FHIT: variants seen among roughly 807,000 people sequenced by gnomAD.
FHIT encodes the protein fragile histidine triad diadenosine triphosphatase, also known as bis(5'-adenosyl)-triphosphatase.
In FHIT, 19 loss-of-function variants were observed where a neutral mutation model predicts 17.9. That is an observed-to-expected ratio of 1.06 (90% CI 0.74 to 1.56). FHIT has a LOEUF of 1.56. FHIT is among the 40% of genes most tolerant of loss of function. The pLI is 0.00. For synonymous variants in FHIT, 81 were observed against 69.7 expected, an observed-to-expected ratio of 1.16 and a Z score of -0.81; for missense variants, 248 against 189.2, an observed-to-expected ratio of 1.31 and a Z score of -1.82.
intron 1 of FHIT, among the ~76,000 whole-genome samples, chr3:61,215,839 C>T (rs1028596882): frequency 3.3e-5 from 5 of 152,108 alleles, no homozygotes; most frequent in South Asian, 2.1e-4. Context: ...GAAATAATGC[C>T]GCATATCTGC....
intron 5 of FHIT, among the ~76,000 whole-genome samples, chr3:60,126,021 C>G (rs1304748116): frequency 1.3e-5 from 2 of 152,088 alleles, no homozygotes; most frequent in Admixed American, 1.3e-4. Flanking sequence ...ACTGACAGGC[C>G]CCTTGGTGTT....
intron 8 of FHIT, among the ~76,000 whole-genome samples, chr3:59,769,658 C>T (rs1701977467): frequency 6.6e-6 from 1 of 151,988 alleles, no homozygotes; most frequent in East Asian, 1.9e-4. Flanking sequence ...TAGCAGTACA[C>T]ACGGAACGGC....
chr3:60,896,409 A>G (rs1705825419), intron 3 of FHIT, among the ~76,000 whole-genome samples: 1 of 152,084 alleles, frequency 6.6e-6, no homozygotes, highest in African/African-American at 2.4e-5. Flanking sequence ...TGATACTTCT[A>G]ATCTCCATCC....
chr3:60,902,150 T>G (rs1003806935), intron 3 of FHIT, among the ~76,000 whole-genome samples: 1 of 152,194 alleles, frequency 6.6e-6, no homozygotes, highest in Non-Finnish European at 1.5e-5. Flanking sequence ...AAAGTTCCCA[T>G]GTACTTTGCC....
chr3:60,482,407 C>G (rs1220193118), intron 5 of FHIT, among the ~76,000 whole-genome samples: 1 of 152,126 alleles, frequency 6.6e-6, no homozygotes, highest in Non-Finnish European at 1.5e-5. Context: ...TGGCATTATT[C>G]TAAAATCGAC....
chr3:61,095,015 T>C (rs1482700906), intron 2 of FHIT, among the ~76,000 whole-genome samples: 2 of 152,206 alleles, frequency 1.3e-5, no homozygotes, highest in Middle Eastern at 3.2e-3. Context: ...GAGACCACTG[T>C]ATGTGAGGAC....
intron 4 of FHIT, among the ~76,000 whole-genome samples, chr3:60,603,577 T>C (rs1230307742): frequency 6.6e-6 from 1 of 152,096 alleles, no homozygotes; most frequent in Non-Finnish European, 1.5e-5. Flanking sequence ...CATTTTTTAA[T>C]GATGAGCATA....
chr3:60,485,121 C>T (rs1000197526), intron 5 of FHIT, among the ~76,000 whole-genome samples: 14 of 152,156 alleles, frequency 9.2e-5, no homozygotes, highest in African/African-American at 3.4e-4. Context: ...TGAAGTCAGT[C>T]AGAATGGTGA....
At chr3:60,935,867 C>G (rs1002599567) in intron 3 of FHIT, among the ~76,000 whole-genome samples, 1 of 152,194 alleles carries the variant, frequency 6.6e-6, no homozygotes, top group Non-Finnish European at 1.5e-5. Context: ...GGACACACTT[C>G]TGCTTTATGC....
intron 5 of FHIT, among the ~76,000 whole-genome samples, chr3:60,077,703 CA>C: frequency 9.7e-6 from 1 of 102,958 alleles, no homozygotes; most frequent in Non-Finnish European, 2.0e-5. Context: ...CACACACACA[CA>C]CACACACACA....
chr3:59,854,922 T>A (rs1430034180), intron 8 of FHIT, among the ~76,000 whole-genome samples: 1 of 152,184 alleles, frequency 6.6e-6, no homozygotes, highest in Non-Finnish European at 1.5e-5. Flanking sequence ...TGGGCTCTGT[T>A]GGAATCCTTC....
intron 3 of FHIT, among the ~76,000 whole-genome samples, chr3:61,012,627 A>C (rs1400623644): frequency 6.6e-6 from 1 of 151,820 alleles, no homozygotes; most frequent in Non-Finnish European, 1.5e-5. Context: ...TAAAAAATCA[A>C]AAAAAGCCCT....
intron 4 of FHIT, among the ~76,000 whole-genome samples, chr3:60,574,560 C>G (rs903929747): frequency 2.6e-5 from 4 of 151,972 alleles, no homozygotes; most frequent in African/African-American, 9.7e-5. Context: ...CATTCTATAG[C>G]CCCCTCCTAA....
At chr3:60,246,252 T>C (rs1705389944) in intron 5 of FHIT, among the ~76,000 whole-genome samples, 1 of 152,066 alleles carries the variant, frequency 6.6e-6, no homozygotes, top group Admixed American at 6.6e-5. Flanking sequence ...AAAGTCTACC[T>C]CCAGCAAATA....
chr3:60,321,264 G>A (rs1709414104), intron 5 of FHIT, among the ~76,000 whole-genome samples: 1 of 152,176 alleles, frequency 6.6e-6, no homozygotes, highest in Non-Finnish European at 1.5e-5. Context: ...CAGATCACTT[G>A]AGCTCAGGAG....
intron 5 of FHIT, among the ~76,000 whole-genome samples, chr3:60,033,986 C>G (rs572994774): frequency 6.6e-6 from 1 of 152,174 alleles, no homozygotes; most frequent in Non-Finnish European, 1.5e-5. Context: ...TACACCGTCT[C>G]GTGAGGGAGT....
chr3:60,703,097 T>A (rs2041286915), intron 4 of FHIT, among the ~76,000 whole-genome samples: 1 of 152,124 alleles, frequency 6.6e-6, no homozygotes, highest in Admixed American at 6.6e-5. Flanking sequence ...CCCTACCCAA[T>A]GACTGTTGCC....
rs869078939 is a variant in FHIT, at chr3:60,390,396, T to TAAAAAAAAAAAAAA, written c.103+146450_103+146463dup. On this transcript the variant is annotated intron_variant, in intron 5 of 9. Transcript: ENST00000492590. ...TGGTCCCTTAAGATTGTAATGGAGC[T>TAAAAAAAAAAAAAA]AAAAAAAAAAAAAAAAAAAAAAAAA... 7.5e-4 allele frequency among the ~76,000 whole-genome samples: 24 copies of TAAAAAAAAAAAAAA among 32,030 alleles called. 2 individuals are homozygous for TAAAAAAAAAAAAAA. The highest frequency in any genetic ancestry group is 2.7e-3 in the African/African-American group (22 of 8,210). 21.0% of individuals were successfully genotyped at this position (32,030 alleles called of 152,430 possible).
intron 8 of FHIT, among the ~76,000 whole-genome samples, chr3:59,820,970 G>C (rs543967682): frequency 6.6e-6 from 1 of 152,344 alleles, no homozygotes; most frequent in South Asian, 2.1e-4. Flanking sequence ...TGAAAGGAAA[G>C]AAGATGTTTA....
Sources: allele counts gnomAD v4.1 joint callset (sites outside exome capture counted in the v4.1 genomes callset), GRCh38; gene constraint gnomAD v4.1.1; transcripts MANE v1.5; gene names NCBI Gene and HGNC (gene_info 2026-07-23, HGNC 2026-07-21).